The following ATP2B2 variants were observed in gnomAD, a reference collection of about 807,000 sequenced individuals.
ATP2B2 encodes ATPase plasma membrane Ca2+ transporting 2.
ATP2B2 carries 15 observed loss-of-function variants against 120.0 expected under a neutral mutation model. The observed-to-expected ratio is 0.12, with a 90% CI of 0.08 to 0.19. The LOEUF is 0.19. Ranked by LOEUF, ATP2B2 falls within the 10% of genes least tolerant of loss-of-function variation. The pLI, the probability that ATP2B2 is intolerant of heterozygous loss-of-function variation, is 1.00. For synonymous variants in ATP2B2, 694 were observed against 700.3 expected (o/e 0.99, Z 0.14); for missense variants, 1,045 against 1,719.8 (o/e 0.61, Z 6.94).
chr3:10,504,567 C>CT (rs1052104842), intron 1 of ATP2B2, among the ~76,000 whole-genome samples: 2 of 152,048 alleles, frequency 1.3e-5, no homozygotes, highest in East Asian at 3.9e-4. Context: ...AGAGCACCCC[C>CT]CCAACCCCCA....
intron 12 of ATP2B2, among the ~76,000 whole-genome samples, chr3:10,371,403 G>A (rs1274205553): frequency 6.6e-6 from 1 of 152,216 alleles, no homozygotes; most frequent in Non-Finnish European, 1.5e-5. Context: ...AGGAAGCCTA[G>A]CTGAGACCAG....
chr3:10,431,939 G>A (rs944793929), intron 2 of ATP2B2, among the ~76,000 whole-genome samples: 4 of 152,198 alleles, frequency 2.6e-5, no homozygotes, highest in Non-Finnish European at 4.4e-5. Flanking sequence ...GATAAAAATA[G>A]CTCTTAATGA....
At chr3:10,513,073 C>T (rs565827753) in intron 3 of ATP2B2, among the ~76,000 whole-genome samples, 128 of 152,328 alleles carry the variant, frequency 8.4e-4, no homozygotes, top group African/African-American at 2.9e-3. Flanking sequence ...CCCATGGTGT[C>T]TGCTCTCAAG....
At chr3:10,446,130 T>C (rs1034456043) in intron 2 of ATP2B2, among the ~76,000 whole-genome samples, 1 of 152,064 alleles carries the variant, frequency 6.6e-6, no homozygotes, top group Non-Finnish European at 1.5e-5. Flanking sequence ...TAAAATGGGG[T>C]AACAGCACCC....
intron 2 of ATP2B2, among the ~76,000 whole-genome samples, chr3:10,568,361 C>T (rs1014957922): frequency 6.6e-6 from 1 of 152,174 alleles, no homozygotes; most frequent in Non-Finnish European, 1.5e-5. Flanking sequence ...GTTTTCAAAG[C>T]AGCTTTTAGG....
At chr3:10,587,237 CCA>C (rs2068530958) in intron 2 of ATP2B2, among the ~76,000 whole-genome samples, 3 of 152,082 alleles carry the variant, frequency 2.0e-5, no homozygotes, top group Admixed American at 2.0e-4. Context: ...CCCAGGAGGT[CCA>C]GAGTGCAGTG....
chr3:10,377,962 G>C (rs2061425422), intron 10 of ATP2B2, among the ~76,000 whole-genome samples: 1 of 152,242 alleles, frequency 6.6e-6, no homozygotes, highest in African/African-American at 2.4e-5. Flanking sequence ...CTCAGAGCTA[G>C]AAGTTACTTT....
At chr3:10,596,811 G>C (rs1441720285) in intron 2 of ATP2B2, among the ~76,000 whole-genome samples, 2 of 152,226 alleles carry the variant, frequency 1.3e-5, no homozygotes, top group Non-Finnish European at 2.9e-5. Context: ...TCAGGGATGG[G>C]AGAAACACAC....
chr3:10,476,309 C>A (rs920739522), intron 1 of ATP2B2, among the ~76,000 whole-genome samples: 4 of 152,196 alleles, frequency 2.6e-5, no homozygotes, highest in African/African-American at 7.2e-5. Flanking sequence ...GGGGAGGAAG[C>A]CTTTGGCTCT....
At chr3:10,596,993 GCA>G (rs2068780657) in intron 2 of ATP2B2, among the ~76,000 whole-genome samples, 2 of 147,760 alleles carry the variant, frequency 1.4e-5, no homozygotes, top group Non-Finnish European at 3.0e-5. Flanking sequence ...ACACGCAGGT[GCA>G]CACGCACACA....
chr3:10,553,829 TG>T (rs1559455455), intron 2 of ATP2B2, among the ~76,000 whole-genome samples: 1 of 152,140 alleles, frequency 6.6e-6, no homozygotes, highest in East Asian at 1.9e-4. Flanking sequence ...ACTAAGGGCC[TG>T]GGTGGTTGCT....
chr3:10,619,302 GA>G (rs2069482425), intron 2 of ATP2B2, among the ~76,000 whole-genome samples: 1 of 152,172 alleles, frequency 6.6e-6, no homozygotes, highest in African/African-American at 2.4e-5. Context: ...TGTGGTCCCA[GA>G]GCCAGCTCAA....
chr3:10,606,397 G>C (rs1248780728), intron 2 of ATP2B2, among the ~76,000 whole-genome samples: 1 of 152,140 alleles, frequency 6.6e-6, no homozygotes, highest in Non-Finnish European at 1.5e-5. Flanking sequence ...CAGAGTCCTT[G>C]GGCAAAGCTG....
chr3:10,654,924 G>A (rs1382833801), intron 1 of ATP2B2, among the ~76,000 whole-genome samples: 3 of 152,152 alleles, frequency 2.0e-5, no homozygotes, highest in Admixed American at 6.5e-5. Context: ...GCAGTGACTG[G>A]TGTGTGGCCT....
At chr3:10,423,069 G>C (rs34923) in intron 2 of ATP2B2, among the ~76,000 whole-genome samples, 31,519 of 152,192 alleles carry the variant, frequency 0.21, 3,636 homozygotes, top group East Asian at 0.38. Context: ...GGGGGATCTA[G>C]TGAAGCTGGG....
rs191241726 is a variant in ATP2B2 at position 10,483,128 on chromosome 3, C to T, written c.-320+22337G>A. ...ACGTGTCATCTATCCTACCTTCTCT[C>T]CCTGGTGAGGGTAATGTCGGGGCCG... is the stretch of plus-strand genomic sequence containing the variant. On this transcript the variant is annotated intron_variant, in intron 1 of 22. Transcript: ENST00000360273. Among the ~76,000 whole-genome samples the T allele has an allele frequency of 1.8e-3, 269 of 152,358 alleles. 1 individual carries two copies. The highest frequency in any genetic ancestry group is 5.7e-3 in the African/African-American group (235 of 41,576).
At chr3:10,420,905 T>C (rs578157943) in intron 2 of ATP2B2, among the ~76,000 whole-genome samples, 4 of 152,348 alleles carry the variant, frequency 2.6e-5, no homozygotes, top group Non-Finnish European at 5.9e-5. Flanking sequence ...TCTAGTTGAA[T>C]TGGGCTGGGG....
intron 1 of ATP2B2, among the ~76,000 whole-genome samples, chr3:10,691,276 C>T (rs1286208357): frequency 6.6e-6 from 1 of 152,140 alleles, no homozygotes; most frequent in Non-Finnish European, 1.5e-5. Flanking sequence ...ATAAAATAAC[C>T]GTACAATGGA....
chr3:10,619,583 G>C lies in ATP2B2; in HGVS notation c.-415+334C>G, dbSNP rs79556665. 4.6e-3 allele frequency among the ~76,000 whole-genome samples: 702 copies of C among 152,320 alleles called. 4 individuals are homozygous for C. Among genetic ancestry groups the C allele is most frequent in the African/African-American group, 0.015 (630 of 41,574 alleles). On this transcript the variant is annotated intron_variant, in intron 2 of 21. Transcript: ENST00000646379. ...CTCTTTTGGTGGAATATCACACCAA[G>C]GTAAAGTGGCAATGCGTAGGCTCTG...
Sources: gnomAD v4.1 joint callset for allele counts (sites outside exome capture counted in the v4.1 genomes callset) on GRCh38, gnomAD v4.1.1 for gene constraint, MANE v1.5 for transcripts, NCBI Gene and HGNC (gene_info 2026-07-23, HGNC 2026-07-21) for gene names.